CYB5R3: variants seen among roughly 807,000 people sequenced by gnomAD.
The protein encoded by CYB5R3 is cytochrome b5 reductase 3, also known as NADH-cytochrome b5 reductase 3.
CYB5R3 carries 28 observed loss-of-function variants against 36.5 expected under a neutral mutation model. That is an observed-to-expected ratio of 0.77 (90% CI 0.57 to 1.05). CYB5R3 has a LOEUF of 1.05. CYB5R3 is among the 50% of genes least tolerant of loss of function. The probability of loss-of-function intolerance (pLI) is 0.00; values close to 1 mark genes in which losing one functional copy is unlikely to be tolerated. For missense variants in CYB5R3, 474 were observed against 408.9 expected (o/e 1.16, Z -1.37); for synonymous variants, 181 against 159.8 (o/e 1.13, Z -1.00).
At chr22:42,641,188 C>T (rs964306205) in intron 1 of CYB5R3, among the ~76,000 whole-genome samples, 6 of 151,968 alleles carry the variant, frequency 3.9e-5, no homozygotes, top group Admixed American at 1.3e-4. Flanking sequence ...TTTTCTCTAG[C>T]TTACTTTACT....
intron 1 of CYB5R3, among the ~76,000 whole-genome samples, chr22:42,647,241 G>A (rs1321214936): frequency 6.6e-6 from 1 of 152,188 alleles, no homozygotes; most frequent in Non-Finnish European, 1.5e-5. Context: ...GGGCTGGGCG[G>A]GGGAGGGTTG....
chr22:42,638,547 A>G (rs976222692), intron 1 of CYB5R3, among the ~76,000 whole-genome samples: 2 of 148,898 alleles, frequency 1.3e-5, no homozygotes, highest in African/African-American at 5.0e-5. Context: ...CTGTTGAAAA[A>G]AAAAAAAAAA....
chr22:42,619,994 A>G, intron 8 of CYB5R3, 49 bp from the exon 9 acceptor site: 5 of 1,540,516 alleles, frequency 3.2e-6, no homozygotes, highest in Non-Finnish European at 4.4e-6. Context: ...TGTGGTCACC[A>G]ACCTGCTGAC....
At position 42,635,256 on chromosome 22, in the gene CYB5R3, A is replaced by T. The variant is rs1171433987; in HGVS notation, c.153+1459T>A. Among the ~76,000 whole-genome samples the T allele has an allele frequency of 2.4e-4, 35 of 142,874 alleles. No individual in the cohort carries two copies. The Admixed American group carries it at 2.5e-3, about 10-fold the overall frequency. 93.7% of individuals were successfully genotyped at this position (142,874 alleles called of 152,430 possible). ...GTGCTGGGATTACAGGTGTGAGCCC[A>T]GCCACGCCCGGCCAATTTTTTGTAT... On this transcript the variant is annotated intron_variant, in intron 2 of 8. Coordinates refer to ENST00000352397, the MANE Select transcript of CYB5R3 (RefSeq NM_000398.7).
At chr22:42,624,376 C>T (rs961820734) in intron 7 of CYB5R3, among the ~76,000 whole-genome samples, 3 of 152,260 alleles carry the variant, frequency 2.0e-5, no homozygotes, top group African/African-American at 7.2e-5. Context: ...TCAGGTTGTA[C>T]CTCCAGAAAC....
At position 42,639,772 on chromosome 22, in the gene CYB5R3, AACTT is replaced by A. The variant is rs1216836932; in HGVS notation, c.22-2930_22-2927del. On this transcript the variant is annotated intron_variant, in intron 1 of 8. Transcript: ENST00000352397. ...CTGAAATATTTAGGGGCAAAGGGGC[AACTT>A]ACTCTTAAATGGTTCAAAATATAGA... The A allele has an allele frequency of 4.7e-6, 3 of 634,010 alleles. No individual in the cohort carries two copies. The African/African-American group carries it at 5.5e-5, about 12-fold the overall frequency. 39.3% of individuals were successfully genotyped at this position (634,010 alleles called of 1,614,324 possible).
At chr22:42,646,082 G>C (rs1929522216) in intron 1 of CYB5R3, among the ~76,000 whole-genome samples, 1 of 152,198 alleles carries the variant, frequency 6.6e-6, no homozygotes, top group African/African-American at 2.4e-5. Flanking sequence ...GGTTGGAACA[G>C]GCTCTGCCCC....
At position 42,640,465 on chromosome 22, in the gene CYB5R3, G is replaced by A. The variant is rs374231110; in HGVS notation, c.22-3619C>T. On this transcript the variant is annotated intron_variant, in intron 1 of 8. Coordinates refer to ENST00000352397, the MANE Select transcript of CYB5R3 (RefSeq NM_000398.7). The stretch of plus-strand genomic sequence containing the variant: ...GTGATCTTGGCTAACTGTGACCTCC[G>A]CCTCCCGGGTTCAAGTGATTTTCCT... 2.5e-3 allele frequency: 780 copies of A among 311,546 alleles called. 2 individuals are homozygous for A. Among genetic ancestry groups the A allele is most frequent in the Non-Finnish European group, 3.7e-3 (690 of 186,940 alleles). 19.3% of individuals were successfully genotyped at this position (311,546 alleles called of 1,614,324 possible). A position where few individuals can be genotyped will look rare whatever the true frequency, so the allele number is the denominator to read the frequency against.
At position 42,627,666 on chromosome 22, in the gene CYB5R3, G is replaced by C; in HGVS notation, c.486C>G (p.Asp162Glu). The C allele has an allele frequency of 6.2e-6, 10 of 1,614,110 alleles. No individual in the cohort carries two copies. The highest frequency in any genetic ancestry group is 7.6e-6 in the Non-Finnish European group (9 of 1,179,958). ...QGKGKFAIRP[D>E]KKSNPIIRTV... ...TCCTGATGATAGGGTTGGACTTTTT[G>C]TCAGGTCGGATGGCGAACTTCCCTG... Residue 162 changes from aspartate to glutamate, a missense_variant, in exon 6 of 9, where the codon GAC becomes GAG. Asp to Glu is a conservative substitution (Grantham distance 45, BLOSUM62 2). Coordinates refer to ENST00000352397, the MANE Select transcript of CYB5R3 (RefSeq NM_000398.7).
At chr22:42,648,242 G>A (rs1929617378) in intron 1 of CYB5R3, among the ~76,000 whole-genome samples, 1 of 151,626 alleles carries the variant, frequency 6.6e-6, no homozygotes, top group Non-Finnish European at 1.5e-5. Flanking sequence ...CAAGGAGGGA[G>A]GACCCAGGTG....
intron 1 of CYB5R3, among the ~76,000 whole-genome samples, chr22:42,641,578 C>T (rs1426000222): frequency 6.6e-6 from 1 of 151,918 alleles, no homozygotes; most frequent in Non-Finnish European, 1.5e-5. Flanking sequence ...CTCCACCTCC[C>T]GGGTTCAATC....
intron 7 of CYB5R3, among the ~76,000 whole-genome samples, chr22:42,624,266 G>A (rs1928147381): frequency 6.6e-6 from 1 of 152,220 alleles, no homozygotes; most frequent in Admixed American, 6.5e-5. Flanking sequence ...GTCAGCCCGG[G>A]AGCGGGTGTA....
chr22:42,636,760 G>T lies in CYB5R3; in HGVS notation c.108C>A (p.Leu36=). Residue 36 remains leucine (L), a synonymous_variant, in exon 2 of 9, where the codon CTC becomes CTA. Transcript: ENST00000352397. ...GCGGGTACTTGATGTCCGGGCTCTC[G>T]AGGGTGATGGCTGGCGTGGAGCGCT... The part of the protein sequence containing the change: ...LFQRSTPAIT[L]ESPDIKYPLR... 3 of 1,613,770 alleles carry T rather than the reference G, an allele frequency of 1.9e-6. No individual in the cohort carries two copies. Among genetic ancestry groups the T allele is most frequent in the Non-Finnish European group, 2.5e-6 (3 of 1,180,000 alleles).
chr22:42,625,365 G>T (rs2146871445), intron 7 of CYB5R3, among the ~76,000 whole-genome samples: 1 of 152,160 alleles, frequency 6.6e-6, no homozygotes, highest in Admixed American at 6.5e-5. Flanking sequence ...AGAATTAGCT[G>T]GATGTGGTGG....
intron 1 of CYB5R3, among the ~76,000 whole-genome samples, chr22:42,645,937 C>T (rs975295118): frequency 4.6e-5 from 7 of 152,190 alleles, no homozygotes; most frequent in African/African-American, 1.7e-4. Context: ...GAGTTCAAGC[C>T]AGACGGGGAG....
intron 7 of CYB5R3, among the ~76,000 whole-genome samples, chr22:42,625,366 G>T (rs917891080): frequency 2.0e-5 from 3 of 152,086 alleles, no homozygotes; most frequent in Non-Finnish European, 4.4e-5. Context: ...GAATTAGCTG[G>T]ATGTGGTGGC....
intron 2 of CYB5R3, chr22:42,633,275 G>T (rs1406771180): frequency 6.6e-6 from 1 of 152,224 alleles, no homozygotes; most frequent in East Asian, 1.9e-4. Flanking sequence ...ACAAAACCAG[G>T]TTATCAAAAA....
intron 7 of CYB5R3, among the ~76,000 whole-genome samples, chr22:42,625,980 T>G (rs1467515793): frequency 6.6e-6 from 1 of 152,186 alleles, no homozygotes. Context: ...TGCAAAAACG[T>G]AAAACAGAAT....
Position 42,638,732 on chromosome 22 carries a change from A to T in CYB5R3, c.22-1886T>A, listed in dbSNP as rs1329804553. ...GGGAGACAGAGCAAGACTCCATAAA[A>T]AAAAAAAAAAAAAAAAAAGGCCGGG... On this transcript the variant is annotated intron_variant, in intron 1 of 8. Coordinates refer to ENST00000352397, the MANE Select transcript of CYB5R3 (RefSeq NM_000398.7). Among the ~76,000 whole-genome samples, 104 of 67,968 alleles carry T rather than the reference A, an allele frequency of 1.5e-3. 2 individuals carry two copies. Among genetic ancestry groups the T allele is most frequent in the East Asian group, 7.1e-3 (5 of 704 alleles). 44.6% of individuals were successfully genotyped at this position (67,968 alleles called of 152,430 possible). A position where few individuals can be genotyped will look rare whatever the true frequency, so the allele number is the denominator to read the frequency against.
Sources: allele counts gnomAD v4.1 joint callset (sites outside exome capture counted in the v4.1 genomes callset), GRCh38; gene constraint gnomAD v4.1.1; transcripts MANE v1.5; gene names NCBI Gene and HGNC (gene_info 2026-07-23, HGNC 2026-07-21).